TMEM114: variants seen among roughly 807,000 people sequenced by gnomAD.
The protein encoded by TMEM114 is transmembrane protein 114.
In TMEM114, 6 loss-of-function variants were observed where a neutral mutation model predicts 6.2. That is an observed-to-expected ratio of 0.97 (90% CI 0.53 to 1.91). The LOEUF (loss-of-function observed/expected upper bound fraction) is 1.91, where lower values mean the gene tolerates loss of function less well. Ranked by LOEUF, TMEM114 falls within the 40% of genes most tolerant of loss-of-function variation. The pLI is 0.01. For missense variants in TMEM114, 218 were observed against 158.3 expected (o/e 1.38, Z -2.02); for synonymous variants, 104 against 73.0 (o/e 1.42, Z -2.16).
chr16:8,535,608 T>C (rs776372808), downstream of TMEM114, among the ~76,000 whole-genome samples: 1 of 152,220 alleles, frequency 6.6e-6, no homozygotes, highest in African/African-American at 2.4e-5. Flanking sequence ...ATATCATTTG[T>C]CAAGGAAAAA....
intron 2 of TMEM114, among the ~76,000 whole-genome samples, chr16:8,556,742 A>G (rs1901022300): frequency 6.6e-6 from 1 of 152,106 alleles, no homozygotes; most frequent in Non-Finnish European, 1.5e-5. Flanking sequence ...ACCTCAGGGG[A>G]TCCACCCGCC....
At chr16:8,553,114 A>T (rs1434250297) in intron 2 of TMEM114, among the ~76,000 whole-genome samples, 2 of 152,156 alleles carry the variant, frequency 1.3e-5, no homozygotes, top group Non-Finnish European at 2.9e-5. Context: ...AGAGGCCAGG[A>T]TGGAGATGAC....
chr16:8,558,605 T>C (rs989520735), intron 2 of TMEM114, among the ~76,000 whole-genome samples: 4 of 152,222 alleles, frequency 2.6e-5, no homozygotes, highest in Admixed American at 6.5e-5. Context: ...CATGATCTTT[T>C]TGGGGCACAT....
chr16:8,561,550 C>T lies in TMEM114; in HGVS notation n.213-23724G>A, dbSNP rs1203913798. On this transcript the variant is annotated intron_variant and non_coding_transcript_variant, in intron 2 of 2. Transcript: ENST00000623677. ...TAAATCCTTGGTGTTTCAAACAGCA[C>T]CTGGCACATCAGGCATCAAAGAAGT... 2.0e-5 allele frequency among the ~76,000 whole-genome samples: 3 copies of T among 152,194 alleles called. No homozygotes were observed. The East Asian group carries it at 5.8e-4, about 29-fold the overall frequency.
At chr16:8,534,209 G>T (rs534580254), downstream of TMEM114, among the ~76,000 whole-genome samples, 5 of 152,286 alleles carry the variant, frequency 3.3e-5, no homozygotes, top group South Asian at 4.2e-4. Context: ...TGATGACTGG[G>T]GTAAGGATGT....
chr16:8,542,519 CT>C (rs1900545734), intron 2 of TMEM114, among the ~76,000 whole-genome samples: 1 of 152,272 alleles, frequency 6.6e-6, no homozygotes, highest in East Asian at 1.9e-4. Context: ...GCTAGACCTG[CT>C]TTTCAAAAAT....
chr16:8,554,187 CT>C (rs1386456050), intron 2 of TMEM114, among the ~76,000 whole-genome samples: 1 of 151,994 alleles, frequency 6.6e-6, no homozygotes, highest in Non-Finnish European at 1.5e-5. Context: ...TTTGAAAGGG[CT>C]TCTGTTCTTT....
chr16:8,553,458 A>T (rs934317398), intron 2 of TMEM114, among the ~76,000 whole-genome samples: 2 of 151,620 alleles, frequency 1.3e-5, no homozygotes, highest in Non-Finnish European at 2.9e-5. Flanking sequence ...GTGCAGTGGC[A>T]CTATCTAGGC....
chr16:8,532,796 C>T (rs371949465), downstream of TMEM114, among the ~76,000 whole-genome samples: 12 of 151,774 alleles, frequency 7.9e-5, no homozygotes, highest in East Asian at 1.4e-3. Context: ...TAGTGGCGGG[C>T]GCCTGTAATC....
At position 8,589,839 on chromosome 16, in the gene TMEM114, C is replaced by T; in HGVS notation, c.-1G>A. ...CCAGCCCGCCCAGGTGCACCCGCAT[C>T]GCCGAGCCCAGGACCAGCAGCCGCG... On this transcript the variant is annotated 5_prime_UTR_variant, in exon 1 of 4. Coordinates refer to ENST00000620492, the MANE Select transcript of TMEM114 (RefSeq NM_001146336.2). The T allele has an allele frequency of 2.5e-6, 1 of 397,878 alleles. No homozygotes were observed. Among genetic ancestry groups the T allele is most frequent in the Non-Finnish European group, 4.4e-6 (1 of 225,606 alleles). The allele number at this position is 397,878 out of a possible 1,614,324, so 24.6% of individuals were successfully genotyped here. A position where few individuals can be genotyped will look rare whatever the true frequency, so the allele number is the denominator to read the frequency against.
intron 2 of TMEM114, among the ~76,000 whole-genome samples, chr16:8,550,903 G>T (rs542608178): frequency 6.6e-6 from 1 of 152,156 alleles, no homozygotes; most frequent in African/African-American, 2.4e-5. Flanking sequence ...GAGAACCGCA[G>T]TAGAAGACTG....
intron 2 of TMEM114, among the ~76,000 whole-genome samples, chr16:8,546,590 C>T (rs1454032824): frequency 2.6e-5 from 4 of 152,212 alleles, no homozygotes; most frequent in African/African-American, 9.7e-5. Flanking sequence ...ACCCCAGTAA[C>T]AATCAGTCCC....
chr16:8,571,293 G>A (rs1402872667), intron 3 of TMEM114, among the ~76,000 whole-genome samples: 6 of 152,100 alleles, frequency 3.9e-5, no homozygotes, highest in African/African-American at 1.4e-4. Context: ...GTTTTTGTGT[G>A]TGCTGCTGTT....
chr16:8,530,483 G>C, the TMEM114 span, among the ~76,000 whole-genome samples: 1 of 152,086 alleles, frequency 6.6e-6, no homozygotes, highest in Non-Finnish European at 1.5e-5. Flanking sequence ...AGGAGCAATA[G>C]CTAATGTAGC....
Position 8,586,897 on chromosome 16 carries a change from C to T in TMEM114, c.301+2316G>A, listed in dbSNP as rs550235615. ...GGGGCTCAGAACAGAGCACACGGTA[C>T]CTCCACCTTTCCTCAACTCCCACAC... On this transcript the variant is annotated intron_variant, in intron 2 of 3. Transcript: ENST00000620492. 7.9e-5 allele frequency among the ~76,000 whole-genome samples: 12 copies of T among 152,300 alleles called. No homozygotes were observed. In the South Asian group the frequency reaches 2.5e-3, roughly 32 times the overall value.
chr16:8,584,780 G>A (rs1022768728), intron 2 of TMEM114, among the ~76,000 whole-genome samples: 1 of 151,864 alleles, frequency 6.6e-6, no homozygotes, highest in African/African-American at 2.4e-5. Context: ...AAATTAGCCG[G>A]GTGTGATGGT....
chr16:8,582,122 C>T (rs756266296), intron 2 of TMEM114, among the ~76,000 whole-genome samples: 9 of 152,222 alleles, frequency 5.9e-5, no homozygotes, highest in Non-Finnish European at 1.0e-4. Flanking sequence ...ATTTTTCCAA[C>T]CTCGCCTCCT....
At chr16:8,567,859 C>T (rs944375538), downstream of TMEM114, among the ~76,000 whole-genome samples, 3 of 152,172 alleles carry the variant, frequency 2.0e-5, no homozygotes, top group Non-Finnish European at 2.9e-5. Flanking sequence ...TGGTTGCCCT[C>T]ACTTTGCAAA....
chr16:8,544,579 A>T (rs1362773645), intron 2 of TMEM114, among the ~76,000 whole-genome samples: 2 of 152,208 alleles, frequency 1.3e-5, no homozygotes, highest in East Asian at 3.8e-4. Context: ...ATGAGGAATG[A>T]TAGCTCATAA....
Sources: allele counts gnomAD v4.1 joint callset (sites outside exome capture counted in the v4.1 genomes callset), GRCh38; gene constraint gnomAD v4.1.1; transcripts MANE v1.5; gene names NCBI Gene and HGNC (gene_info 2026-07-23, HGNC 2026-07-21).